Variants in KNOP1 observed in about 807,000 individuals in gnomAD.
KNOP1 encodes lysine-rich nucleolar protein 1.
In KNOP1, 20 loss-of-function variants were observed where a neutral mutation model predicts 30.6. The observed-to-expected ratio is 0.65, with a 90% CI of 0.46 to 0.95. The LOEUF (loss-of-function observed/expected upper bound fraction) is 0.95, where lower values mean the gene tolerates loss of function less well. Among genes scored for constraint, KNOP1 ranks in the 40% least tolerant of loss-of-function variants. KNOP1 has a pLI of 0.00. For synonymous variants in KNOP1, 204 were observed against 210.0 expected (o/e 0.97, Z 0.25); for missense variants, 540 against 562.0 (o/e 0.96, Z 0.40).
rs953391878 is a variant in KNOP1, at chr16:19,718,175, C to T, written c.-20G>A. On this transcript the variant is annotated 5_prime_UTR_variant, in exon 1 of 5. Transcript: ENST00000219837. ...GCACTCACCGGTGGGCGAAATTTCC[C>T]CGCCTCCACGTGAGAGCCAGCTCCG... 2 of 1,480,964 alleles carry T rather than the reference C, an allele frequency of 1.4e-6. No homozygotes were observed. Among genetic ancestry groups the T allele is most frequent in the East Asian group, 4.9e-5 (2 of 40,428 alleles). 91.7% of individuals were successfully genotyped at this position (1,480,964 alleles called of 1,614,324 possible).
rs1197645045 is a variant in KNOP1 at position 19,715,031 on chromosome 16, A to T, written c.5T>A (p.Ile2Asn). 6.5e-7 allele frequency: 1 copy of T among 1,550,360 alleles called. No individual in the cohort carries two copies. Among genetic ancestry groups the T allele is most frequent in the Non-Finnish European group, 8.7e-7 (1 of 1,155,606 alleles). The stretch of plus-strand genomic sequence containing the variant: ...AAGGTCTACTTTGTGTGTCTTGGTG[A>T]TCATTCCTGAAAAAACAAATGGTAC... M[I>N]TKTHKVDLGL... Residue 2 changes from isoleucine (I) to asparagine (N), a missense_variant, in exon 2 of 5, where the codon ATC becomes AAC. By Grantham distance (149) the Ile-to-Asn change is moderately radical. Transcript: ENST00000219837.
At position 19,713,294 on chromosome 16, in the gene KNOP1, T is replaced by C. The variant is rs1299027920; in HGVS notation, c.918+824A>G. On this transcript the variant is annotated intron_variant, in intron 2 of 4. Coordinates refer to ENST00000219837, the MANE Select transcript of KNOP1 (RefSeq NM_001012991.3). ...TTTTAGTAGAGATGGGGTTTCACCA[T>C]GTTGGCCAGGCTGGTCTCGAACTCC... is the stretch of plus-strand genomic sequence containing the variant. Among the ~76,000 whole-genome samples the C allele has an allele frequency of 8.5e-5, 13 of 152,270 alleles. No homozygotes were observed. The East Asian group carries it at 2.3e-3, about 27-fold the overall frequency.
At chr16:19,707,258 G>A in intron 4 of KNOP1, 37 bp from the exon 5 acceptor site, 1 of 1,573,150 alleles carries the variant, frequency 6.4e-7, no homozygotes, top group Non-Finnish European at 8.7e-7. Flanking sequence ...TTTTCCTTGA[G>A]TTCAAAGCCC....
In KNOP1 at chr16:19,714,756, C is replaced by T. The variant is rs372324081; in HGVS notation, c.280G>A (p.Glu94Lys). The change falls in exon 2 of 5, where the codon GAG (glutamate) becomes AAG (lysine). Residue 94 changes from glutamate (E) to lysine (K), a missense_variant. Transcript: ENST00000219837. ...TGCTTCCTGAGGCTGGGTGACTTCTCTGTCCGTCTAGCAGGCAGCGTGGTC... is the reference window on the plus strand; with the variant it reads ...TGCTTCCTGAGGCTGGGTGACTTCTTTGTCCGTCTAGCAGGCAGCGTGGTC... ...PETTLPARRTEKSPSLRKQVF... is the reference protein window; with the variant it reads ...PETTLPARRTKKSPSLRKQVF... 2.5e-5 allele frequency: 40 copies of T among 1,614,092 alleles called. No homozygotes were observed. Among genetic ancestry groups the T allele is most frequent in the Non-Finnish European group, 3.0e-5 (35 of 1,180,050 alleles).
In KNOP1 at chr16:19,714,409, A is replaced by C. The variant is rs1976886217; in HGVS notation, c.627T>G (p.Asn209Lys). The change falls in exon 2 of 5, where the codon AAT (asparagine) becomes AAG (lysine). Residue 209 changes from asparagine (N) to lysine (K), a missense_variant. Physicochemically the swap from Asn to Lys is moderately conservative, Grantham distance 94 (BLOSUM62 0). Transcript: ENST00000219837. Reference sequence around the variant, plus strand: ...TTTTTTTTTTCTTCTTCACCTTCCCATTGTGTTCTCTGGGGCTCTTCCGCT... The same window carrying C: ...TTTTTTTTTTCTTCTTCACCTTCCCCTTGTGTTCTCTGGGGCTCTTCCGCT... ...KRKRKSPREH[N>K]GKVKKKKKIH... 6.2e-7 allele frequency: 1 copy of C among 1,609,610 alleles called. No homozygotes were observed. Among genetic ancestry groups the C allele is most frequent in the Non-Finnish European group, 8.5e-7 (1 of 1,178,800 alleles).
chr16:19,714,651 C>G lies in KNOP1; in HGVS notation c.385G>C (p.Val129Leu), dbSNP rs1444934025. 1.2e-6 allele frequency: 2 copies of G among 1,614,110 alleles called. No homozygotes were observed. The highest frequency in any genetic ancestry group is 2.2e-5 in the East Asian group (1 of 44,866). Residue 129 changes from valine to leucine, a missense_variant, in exon 2 of 5, where the codon GTG (valine) becomes CTG (leucine). By Grantham distance (32) the Val-to-Leu change is conservative. Coordinates refer to ENST00000219837, the MANE Select transcript of KNOP1 (RefSeq NM_001012991.3). ...SPLAMSHASG[V>L]KTSPDPRQGE... ...TGTCTAGGGTCTGGGGAGGTTTTCACCCCAGAGGCATGGGACATGGCTAGA... is the reference window on the plus strand; with the variant it reads ...TGTCTAGGGTCTGGGGAGGTTTTCAGCCCAGAGGCATGGGACATGGCTAGA...
Position 19,702,083 on chromosome 16 carries a change from A to G in KNOP1, c.*4827T>C, listed in dbSNP as rs1423831973. ...ACCCCAACCTCCGCCTCCCGAGTCT[A>G]AGCAATTCTCCTGCCTCAGCCTCCT... On this transcript the variant is annotated 3_prime_UTR_variant, in exon 5 of 5. Transcript: ENST00000219837. 6.6e-6 allele frequency: 1 copy of G among 151,846 alleles called. No homozygotes were observed. The highest frequency in any genetic ancestry group is 1.5e-5 in the Non-Finnish European group (1 of 68,052). The allele number at this position is 151,846 out of a possible 1,614,324, so 9.4% of individuals were successfully genotyped here. A position where few individuals can be genotyped will look rare whatever the true frequency, so the allele number is the denominator to read the frequency against.
intron 4 of KNOP1, among the ~76,000 whole-genome samples, chr16:19,709,533 G>A (rs1034944030): frequency 2.0e-5 from 3 of 152,170 alleles, no homozygotes; most frequent in Admixed American, 6.5e-5. Flanking sequence ...CCAGATCCCA[G>A]GCCAGCTCTC....
rs113877112 is a variant in KNOP1, at chr16:19,709,826, C to T, written c.1065+683G>A. Among the ~76,000 whole-genome samples the T allele has an allele frequency of 1.2e-4, 18 of 152,310 alleles. No homozygotes were observed. The East Asian group carries it at 1.3e-3, about 11-fold the overall frequency. ...CACTGTTCTGTTTCTTTCTCCTGAC[C>T]GCTACTGCCACCTCAACTGATCTTC... On this transcript the variant is annotated intron_variant, in intron 4 of 4. Coordinates refer to ENST00000219837, the MANE Select transcript of KNOP1 (RefSeq NM_001012991.3).
chr16:19,709,607 G>A (rs932248011), intron 4 of KNOP1, among the ~76,000 whole-genome samples: 3 of 152,186 alleles, frequency 2.0e-5, no homozygotes, highest in African/African-American at 7.2e-5. Context: ...TCCAGCCGCA[G>A]TGCCGCCTCA....
Position 19,718,195 on chromosome 16 carries a change from G to T in KNOP1, c.-40C>A, listed in dbSNP as rs570272736. 7 of 1,508,906 alleles carry T rather than the reference G, an allele frequency of 4.6e-6. No homozygotes were observed. The South Asian group carries it at 7.7e-5, about 17-fold the overall frequency. The allele number at this position is 1,508,906 out of a possible 1,614,324, so 93.5% of individuals were successfully genotyped here. On this transcript the variant is annotated 5_prime_UTR_variant, in exon 1 of 5. In the 5' UTR this introduces an upstream ATG that the reference lacks. Coordinates refer to ENST00000219837, the MANE Select transcript of KNOP1 (RefSeq NM_001012991.3). Reference sequence around the variant, plus strand: ...TTTCCCCGCCTCCACGTGAGAGCCAGCTCCGCCGTGACCCGGAAGTCCACT... The same window carrying T: ...TTTCCCCGCCTCCACGTGAGAGCCATCTCCGCCGTGACCCGGAAGTCCACT...
chr16:19,710,194 C>G, intron 4 of KNOP1: 1 of 423,356 alleles, frequency 2.4e-6, no homozygotes, highest in South Asian at 2.6e-5. Context: ...TCGTCCACCA[C>G]TGGCAAGAGC....
Position 19,712,735 on chromosome 16 carries a change from C to T in KNOP1, c.919-1295G>A, listed in dbSNP as rs934935832. 6.6e-5 allele frequency among the ~76,000 whole-genome samples: 10 copies of T among 152,326 alleles called. No individual in the cohort carries two copies. The South Asian group carries it at 1.5e-3, about 22-fold the overall frequency. ...CAAGAAATGTCAGCCACCGGCCACA[C>T]GGAAGGGCCGGACACTGTCTGGAGC... On this transcript the variant is annotated intron_variant, in intron 2 of 4. Transcript: ENST00000219837.
At chr16:19,708,368 A>G (rs887490282) in intron 4 of KNOP1, among the ~76,000 whole-genome samples, 8 of 151,944 alleles carry the variant, frequency 5.3e-5, no homozygotes, top group South Asian at 2.1e-4. Flanking sequence ...CTCACCTCCC[A>G]AGAAGACTGT....
At chr16:19,709,611 C>T (rs1976602294) in intron 4 of KNOP1, among the ~76,000 whole-genome samples, 1 of 152,198 alleles carries the variant, frequency 6.6e-6, no homozygotes, top group Admixed American at 6.5e-5. Flanking sequence ...GCCGCAGTGC[C>T]GCCTCACTGG....
At chr16:19,715,132 G>A in intron 1 of KNOP1, 95 bp from the exon 2 acceptor site, 2 of 860,238 alleles carry the variant, frequency 2.3e-6, no homozygotes, top group Non-Finnish European at 3.5e-6. Context: ...TTGAGTGGGT[G>A]GTCAAAGCGT....
chr16:19,710,687 G>T, intron 3 of KNOP1, 101 bp from the exon 4 acceptor site: 1 of 876,154 alleles, frequency 1.1e-6, no homozygotes, highest in Non-Finnish European at 1.9e-6. Flanking sequence ...AACGTGGGAG[G>T]AACTAACACA....
rs781008804 is a variant in KNOP1 at position 19,710,600 on chromosome 16, A to G, written c.988-14T>C. ...CTTTCGCCTCACCTGAGCAAGAAGG[A>G]TGACAGAAGAGGGCCGTCAGACAGA... On this transcript the variant is annotated splice_polypyrimidine_tract_variant and intron_variant, in intron 3 of 4. Transcript: ENST00000219837. The G allele has an allele frequency of 1.2e-6, 2 of 1,608,572 alleles. No homozygotes were observed. Among genetic ancestry groups the G allele is most frequent in the South Asian group, 2.2e-5 (2 of 90,928 alleles).
At chr16:19,713,169 T>G (rs958470328) in intron 2 of KNOP1, among the ~76,000 whole-genome samples, 8 of 151,996 alleles carry the variant, frequency 5.3e-5, no homozygotes, top group African/African-American at 1.9e-4. Context: ...GTCGGCCCAC[T>G]GCAACCTCCA....
Sources: allele counts gnomAD v4.1 joint callset (sites outside exome capture counted in the v4.1 genomes callset), GRCh38; gene constraint gnomAD v4.1.1; transcripts MANE v1.5; gene names NCBI Gene and HGNC (gene_info 2026-07-23, HGNC 2026-07-21).